The following SLX4 variants were observed in gnomAD, a reference collection of about 807,000 sequenced individuals.
The protein encoded by SLX4 is structure-specific endonuclease subunit SLX4.
Under a neutral mutation model 146.2 loss-of-function variants are expected in SLX4, and 112 were observed. The observed-to-expected ratio is 0.77, with a 90% confidence interval of 0.66 to 0.90. The LOEUF is 0.90. Among genes scored for constraint, SLX4 ranks in the 40% least tolerant of loss-of-function variants. The pLI is 0.00. For missense variants in SLX4, 2,563 were observed against 2,392.7 expected (o/e 1.07, Z -1.49); for synonymous variants, 1,061 against 997.7 (o/e 1.06, Z -1.20).
In SLX4 at chr16:3,602,312, G is replaced by A. The variant is rs2040737035; in HGVS notation, c.761-5C>T. 1 of 1,613,492 alleles carries A rather than the reference G, an allele frequency of 6.2e-7. No homozygotes were observed. The highest frequency in any genetic ancestry group is 1.3e-5 in the African/African-American group (1 of 74,936). ...CAGGGGGCCCAAGCCCATACACTGT[G>A]GAGAAGCACCAAAGATCCGTGAGAA... On this transcript the variant is annotated splice_region_variant and splice_polypyrimidine_tract_variant and intron_variant, in intron 3 of 14. Coordinates refer to ENST00000294008, the MANE Select transcript of SLX4 (RefSeq NM_032444.4).
chr16:3,589,540 G>T lies in SLX4; in HGVS notation c.4098C>A (p.Arg1366=). Residue 1366 remains arginine, a synonymous_variant, in exon 12 of 15, where the codon CGC becomes CGA. Coordinates refer to ENST00000294008, the MANE Select transcript of SLX4 (RefSeq NM_032444.4). The surrounding 1 kb of genome is among the most constrained non-coding windows in gnomAD (Gnocchi z 6.2). The stretch of plus-strand genomic sequence containing the variant: ...TCAGGAACCGCCTGCTGAAGTGGGC[G>T]CGGTCCCCTGAGATGGGATGTGGAG... ...PLAPHPISGD[R]AHFSRRFLKH... 1.9e-6 allele frequency: 3 copies of T among 1,610,352 alleles called. No individual in the cohort carries two copies. Among genetic ancestry groups the T allele is most frequent in the South Asian group, 2.2e-5 (2 of 91,058 alleles).
chr16:3,601,797 G>A, intron 4 of SLX4: 1 of 376,970 alleles, frequency 2.7e-6, no homozygotes, highest in Non-Finnish European at 5.0e-6. Flanking sequence ...GGTTGTCAGG[G>A]GAGAGAGGGG....
chr16:3,608,187 T>G (rs927596024), intron 2 of SLX4, among the ~76,000 whole-genome samples: 3 of 152,116 alleles, frequency 2.0e-5, no homozygotes, highest in Admixed American at 1.3e-4. Flanking sequence ...AATTAAAAAA[T>G]AAAAACAAAC....
At chr16:3,608,072 C>A (rs2040806922) in intron 2 of SLX4, among the ~76,000 whole-genome samples, 1 of 152,238 alleles carries the variant, frequency 6.6e-6, no homozygotes, top group East Asian at 1.9e-4. Context: ...GTAATCCCAG[C>A]ACTCTGAGAG....
intron 12 of SLX4, among the ~76,000 whole-genome samples, chr16:3,586,445 T>C (rs1165353870): frequency 6.6e-6 from 1 of 151,536 alleles, no homozygotes; most frequent in African/African-American, 2.4e-5. Flanking sequence ...CACTTGAGCC[T>C]GGGAGGTCGA....
Position 3,591,173 on chromosome 16 carries a change from A to G in SLX4, c.2465T>C (p.Met822Thr), listed in dbSNP as rs1481254126. The part of the protein sequence containing the change: ...AENFQELLRS[M>T]WADEEEEAET... ...CGCTTCCTCCTCTTCATCTGCCCACATTGACCTCAAGAGTTCCTGGAAATT... is the reference window on the plus strand; with the variant it reads ...CGCTTCCTCCTCTTCATCTGCCCACGTTGACCTCAAGAGTTCCTGGAAATT... Residue 822 changes from methionine (M) to threonine (T), a missense_variant, in exon 12 of 15, where the codon ATG becomes ACG. Physicochemically the swap from Met to Thr is moderately conservative, Grantham distance 81. Coordinates refer to ENST00000294008, the MANE Select transcript of SLX4 (RefSeq NM_032444.4). 1.2e-6 allele frequency: 2 copies of G among 1,614,120 alleles called. No homozygotes were observed. Among genetic ancestry groups the G allele is most frequent in the Non-Finnish European group, 8.5e-7 (1 of 1,180,026 alleles).
intron 3 of SLX4, among the ~76,000 whole-genome samples, chr16:3,605,089 TAAAA>T (rs934651481): frequency 6.6e-6 from 1 of 151,212 alleles, no homozygotes; most frequent in African/African-American, 2.4e-5. Context: ...CCCAGCTAAT[TAAAA>T]AAAAATTTTT....
In SLX4 at chr16:3,582,261, C is replaced by G; in HGVS notation, c.*81G>C. The G allele has an allele frequency of 7.8e-7, 1 of 1,284,098 alleles. No homozygotes were observed. Among genetic ancestry groups the G allele is most frequent in the South Asian group, 1.3e-5 (1 of 77,228 alleles). The allele number at this position is 1,284,098 out of a possible 1,614,324, so 79.5% of individuals were successfully genotyped here. On this transcript the variant is annotated 3_prime_UTR_variant, in exon 15 of 15. Coordinates refer to ENST00000294008, the MANE Select transcript of SLX4 (RefSeq NM_032444.4). ...AATGCCTGTGGAGGCCTGACCCACG[C>G]TGGGTGTCCCAGGTCCTCCCTGCAA...
intron 12 of SLX4, among the ~76,000 whole-genome samples, chr16:3,587,838 G>T (rs1457224776): frequency 6.6e-6 from 1 of 152,184 alleles, no homozygotes; most frequent in Non-Finnish European, 1.5e-5. Flanking sequence ...GGGCCCCCAG[G>T]CCGCAGGCAG....
In SLX4 at chr16:3,608,911, A is replaced by G; in HGVS notation, c.54T>C (p.Ser18=). ...CAATCCCAGGACAGGCAGACAGATGAGAAAGTGAACCCAAGTAGAAGCCTA... is the reference window on the plus strand; with the variant it reads ...CAATCCCAGGACAGGCAGACAGATGGGAAAGTGAACCCAAGTAGAAGCCTA... ...AQLGFYLGSL[S]HLSACPGIDP... is the part of the protein sequence containing the mutation. Residue 18 remains serine, a synonymous_variant, in exon 2 of 15, where the codon TCT becomes TCC. Coordinates refer to ENST00000294008, the MANE Select transcript of SLX4 (RefSeq NM_032444.4). 1 of 1,614,182 alleles carries G rather than the reference A, an allele frequency of 6.2e-7. No individual in the cohort carries two copies. Among genetic ancestry groups the G allele is most frequent in the Non-Finnish European group, 8.5e-7 (1 of 1,180,032 alleles).
Position 3,589,241 on chromosome 16 carries a change from T to G in SLX4, c.4397A>C (p.Asp1466Ala). 6.2e-7 allele frequency: 1 copy of G among 1,608,240 alleles called. No homozygotes were observed. Among genetic ancestry groups the G allele is most frequent in the Non-Finnish European group, 8.5e-7 (1 of 1,175,702 alleles). The change falls in exon 12 of 15, where the codon GAC becomes GCC. Residue 1466 changes from aspartate to alanine, a missense_variant. Physicochemically the swap from Asp to Ala is moderately radical, Grantham distance 126. Coordinates refer to ENST00000294008, the MANE Select transcript of SLX4 (RefSeq NM_032444.4). This position sits in a 1 kb window ranked among gnomAD's most constrained non-coding sequence, Gnocchi z 6.2. ...GTCCAGGAGTCCCGGGGAGCGACAGTCACGGCTGTCGGCGGCCTCGTTCAT... is the reference window on the plus strand; with the variant it reads ...GTCCAGGAGTCCCGGGGAGCGACAGGCACGGCTGTCGGCGGCCTCGTTCAT... ...RRMNEAADSR[D>A]CRSPGLLDTT...
Position 3,602,146 on chromosome 16 carries a change from C to T in SLX4, c.922G>A (p.Val308Met), listed in dbSNP as rs775151113. 2.1e-5 allele frequency: 34 copies of T among 1,614,024 alleles called. No individual in the cohort carries two copies. The highest frequency in any genetic ancestry group is 1.1e-4 in the South Asian group (10 of 91,088). Residue 308 changes from valine to methionine, a missense_variant, in exon 4 of 15, where the codon GTG (valine) becomes ATG (methionine). Coordinates refer to ENST00000294008, the MANE Select transcript of SLX4 (RefSeq NM_032444.4). ...ICQKNLSAMN[V>M]TRREQHVNRC... The stretch of plus-strand genomic sequence containing the variant: ...TTCACATGCTGTTCCCTTCGGGTCA[C>T]GTTCATGGCTGAGAGGTTCTTTTGA...
At position 3,589,458 on chromosome 16, in the gene SLX4, C is replaced by A; in HGVS notation, c.4180G>T (p.Glu1394Ter). 1 of 1,607,548 alleles carries A rather than the reference C, an allele frequency of 6.2e-7. No homozygotes were observed. Among genetic ancestry groups the A allele is most frequent in the Non-Finnish European group, 8.5e-7 (1 of 1,174,932 alleles). Residue 1394 changes from glutamate to a stop codon, truncating the protein, a stop_gained, in exon 12 of 15, where the codon GAA becomes TAA. Transcript: ENST00000294008. LOFTEE classifies it high-confidence loss of function. The surrounding 1 kb of genome is among the most constrained non-coding windows in gnomAD (Gnocchi z 6.2). Reference protein sequence around the residue: ...LNQTPAGEVVEVGDSDDEQEV... With the variant: ...LNQTPAGEVV ...TGCTCATCGTCACTGTCTCCGACTT[C>A]CACCACTTCACCCGCTGGGGTCTGG...
rs145353518 is a variant in SLX4 at position 3,592,777 on chromosome 16, G to A, written c.2249C>T (p.Thr750Met). The A allele has an allele frequency of 9.5e-5, 154 of 1,612,882 alleles. No individual in the cohort carries two copies. In the African/African-American group the frequency reaches 1.3e-3, roughly 13 times the overall value. ...LGDVSTEAAR[T>M]FLHYLYTADT... ...CGCAGTGTAGAGATAGTGCAGGAAC[G>A]TGCGGGCGGCCTCGGTGCTCACGTC... Residue 750 changes from threonine to methionine, a missense_variant, in exon 11 of 15, where the codon ACG becomes ATG. Transcript: ENST00000294008.
rs1359981222 is a variant in SLX4, at chr16:3,592,810, A to C, written c.2216T>G (p.Leu739Arg). Residue 739 changes from leucine (L) to arginine (R), a missense_variant, in exon 11 of 15, where the codon CTG becomes CGG. By Grantham distance (102) the Leu-to-Arg change is moderately radical. Coordinates refer to ENST00000294008, the MANE Select transcript of SLX4 (RefSeq NM_032444.4). ...GGCCTCGGTGCTCACGTCACCCAGC[A>C]GGACACGCTGGGTCAGAACCCCGTC... is the stretch of plus-strand genomic sequence containing the variant. The part of the protein sequence containing the change: ...VEDGVLTQRV[L>R]LGDVSTEAAR... 22 of 1,612,518 alleles carry C rather than the reference A, an allele frequency of 1.4e-5. No individual in the cohort carries two copies. Among genetic ancestry groups the C allele is most frequent in the Non-Finnish European group, 1.8e-5 (21 of 1,179,996 alleles).
At position 3,602,114 on chromosome 16, in the gene SLX4, C is replaced by T; in HGVS notation, c.950+4G>A. 6.2e-7 allele frequency: 1 copy of T among 1,614,076 alleles called. No individual in the cohort carries two copies. The highest frequency in any genetic ancestry group is 1.1e-5 in the South Asian group (1 of 91,036). On this transcript the variant is annotated splice_donor_region_variant and intron_variant, in intron 4 of 14. Coordinates refer to ENST00000294008, the MANE Select transcript of SLX4 (RefSeq NM_032444.4). Reference sequence around the variant, plus strand: ...GGAGAGGCGACGGCCCAAGCTGCCCCCACCTGTTCACATGCTGTTCCCTTC... The same window carrying T: ...GGAGAGGCGACGGCCCAAGCTGCCCTCACCTGTTCACATGCTGTTCCCTTC...
Position 3,582,026 on chromosome 16 carries a change from C to T in SLX4, c.*316G>A. On this transcript the variant is annotated 3_prime_UTR_variant, in exon 15 of 15. Coordinates refer to ENST00000294008, the MANE Select transcript of SLX4 (RefSeq NM_032444.4). ...CCACTGCACTCCAGCCTAGGTGACA[C>T]AGCACGACTGTCTCAAAAAGAAAAA... 2 of 434,718 alleles carry T rather than the reference C, an allele frequency of 4.6e-6. No homozygotes were observed. Among genetic ancestry groups the T allele is most frequent in the South Asian group, 2.7e-5 (1 of 36,484 alleles). The allele number at this position is 434,718 out of a possible 1,614,324, so 26.9% of individuals were successfully genotyped here.
chr16:3,594,562 A>G lies in SLX4; in HGVS notation c.2051T>C (p.Met684Thr). ...ATCACTCAGGTGTGGGTTATTGACC[A>G]TGGCGCCAAAGTCAGCAACCAGCAG... ...LGLLVADFGA[M>T]VNNPHLSDVQ... Residue 684 changes from methionine (M) to threonine (T), a missense_variant, in exon 10 of 15, where the codon ATG becomes ACG. Physicochemically the swap from Met to Thr is moderately conservative, Grantham distance 81 (BLOSUM62 -1). Transcript: ENST00000294008. The G allele has an allele frequency of 2.5e-6, 4 of 1,614,142 alleles. No homozygotes were observed. Among genetic ancestry groups the G allele is most frequent in the Non-Finnish European group, 3.4e-6 (4 of 1,180,010 alleles).
Position 3,601,175 on chromosome 16 carries a change from C to G in SLX4, c.967G>C (p.Glu323Gln), listed in dbSNP as rs761363694. The G allele has an allele frequency of 6.2e-7, 1 of 1,614,070 alleles. No homozygotes were observed. The highest frequency in any genetic ancestry group is 8.5e-7 in the Non-Finnish European group (1 of 1,180,024). ...QHVNRCLDEAEKTLRPSVPQI... is the reference protein window; with the variant it reads ...QHVNRCLDEAQKTLRPSVPQI... The stretch of plus-strand genomic sequence containing the variant: ...GGCACAGAAGGTCTTAGTGTCTTTT[C>G]AGCTTCATCCAAGCACCTGAAGGAA... The change falls in exon 5 of 15, where the codon GAA becomes CAA. Residue 323 changes from glutamate to glutamine, a missense_variant. Glu to Gln is a conservative substitution (Grantham distance 29). Coordinates refer to ENST00000294008, the MANE Select transcript of SLX4 (RefSeq NM_032444.4).
Sources: allele counts gnomAD v4.1 joint callset (sites outside exome capture counted in the v4.1 genomes callset), GRCh38; gene constraint gnomAD v4.1.1; non-coding constraint Gnocchi (gnomAD v3.1); transcripts MANE v1.5; gene names NCBI Gene and HGNC (gene_info 2026-07-23, HGNC 2026-07-21).